LPAR1: variants seen among roughly 807,000 people sequenced by gnomAD.
LPAR1 encodes lysophosphatidic acid receptor 1.
A neutral mutation model predicts 23.8 loss-of-function variants in LPAR1; 5 were observed. The ratio of observed to expected loss-of-function variants is 0.21; its 90% CI spans 0.11 to 0.44. The LOEUF is 0.44. LPAR1 is among the 20% of genes least tolerant of loss of function. The pLI, the probability that LPAR1 is intolerant of heterozygous loss-of-function variation, is 0.99. For synonymous variants in LPAR1, 160 were observed against 164.7 expected (o/e 0.97, Z 0.22); for missense variants, 311 against 482.8 (o/e 0.64, Z 3.33).
At chr9:110,884,159 T>C (rs1003399716) in intron 5 of LPAR1, among the ~76,000 whole-genome samples, 7 of 152,230 alleles carry the variant, frequency 4.6e-5, no homozygotes, top group African/African-American at 1.7e-4. Context: ...TTGCACTGCA[T>C]GTCTGCTTTC....
intron 5 of LPAR1, among the ~76,000 whole-genome samples, chr9:110,892,810 AAGGAAGGAAGGAAGGAAGGCAGGC>A (rs1217040248): frequency 1.6e-3 from 167 of 104,960 alleles, no homozygotes; most frequent in African/African-American, 6.8e-3. Flanking sequence ...GGAAGGAAGG[AAGGAAGGAAGGAAGGAAGGCAGGC>A]AGGCAGGCAG....
chr9:110,998,150 T>G (rs1588762799), intron 2 of LPAR1, among the ~76,000 whole-genome samples: 2 of 152,202 alleles, frequency 1.3e-5, no homozygotes, highest in African/African-American at 4.8e-5. Context: ...AACCACTCAC[T>G]AAACTGTCCA....
chr9:110,962,030 A>G (rs1588560782), intron 4 of LPAR1, among the ~76,000 whole-genome samples: 1 of 152,132 alleles, frequency 6.6e-6, no homozygotes, highest in African/African-American at 2.4e-5. Flanking sequence ...ATCATTTGCC[A>G]CCTTGTTTCT....
chr9:111,013,227 T>G (rs1195631358), intron 2 of LPAR1, among the ~76,000 whole-genome samples: 1 of 152,148 alleles, frequency 6.6e-6, no homozygotes, highest in African/African-American at 2.4e-5. Context: ...GTACACTTCA[T>G]TCCAGTTCTA....
intron 5 of LPAR1, among the ~76,000 whole-genome samples, chr9:110,881,150 G>A (rs575390820): frequency 1.6e-4 from 24 of 152,016 alleles, no homozygotes; most frequent in Non-Finnish European, 3.4e-4. Flanking sequence ...CAGTATTATT[G>A]TTCTATATTA....
intron 2 of LPAR1, among the ~76,000 whole-genome samples, chr9:110,985,837 A>G (rs985361762): frequency 2.0e-5 from 3 of 152,092 alleles, no homozygotes; most frequent in Non-Finnish European, 4.4e-5. Flanking sequence ...TTGTGTTACA[A>G]TGCTTAGAAA....
chr9:110,886,957 G>T (rs1012012675), intron 5 of LPAR1, among the ~76,000 whole-genome samples: 2 of 152,074 alleles, frequency 1.3e-5, no homozygotes, highest in Admixed American at 1.3e-4. Flanking sequence ...CCTTTAAAAG[G>T]ATAAAGGAAA....
At chr9:111,002,012 T>C (rs2097137562) in intron 2 of LPAR1, among the ~76,000 whole-genome samples, 2 of 152,202 alleles carry the variant, frequency 1.3e-5, no homozygotes, top group African/African-American at 2.4e-5. Flanking sequence ...CATATAAAAA[T>C]TCATATAAAT....
rs375421362 is a variant in LPAR1, at chr9:110,886,351, C to T, written c.794-10629G>A. ...TGCACTCCAGCCTGGGCAACAAGAG[C>T]GAAACTCCATCTCAAAAAAAAAAAA... On this transcript the variant is annotated intron_variant, in intron 5 of 5. Transcript: ENST00000683809. Among the ~76,000 whole-genome samples the T allele has an allele frequency of 3.6e-3, 320 of 89,178 alleles. 1 individual carries two copies. Among genetic ancestry groups the T allele is most frequent in the Middle Eastern group, 0.023 (2 of 86 alleles). 58.5% of individuals were successfully genotyped at this position (89,178 alleles called of 152,430 possible).
intron 2 of LPAR1, among the ~76,000 whole-genome samples, chr9:110,981,854 C>T (rs2096673748): frequency 6.6e-6 from 1 of 152,190 alleles, no homozygotes; most frequent in African/African-American, 2.4e-5. Flanking sequence ...ATTTATGCAG[C>T]CAACAAACTT....
At chr9:110,911,523 C>G (rs1159383046) in intron 5 of LPAR1, among the ~76,000 whole-genome samples, 1 of 151,388 alleles carries the variant, frequency 6.6e-6, no homozygotes, top group Non-Finnish European at 1.5e-5. Context: ...GCCTGGGTGA[C>G]AGAGGAAGAT....
chr9:110,893,276 C>T (rs368640032), intron 5 of LPAR1, among the ~76,000 whole-genome samples: 2 of 152,062 alleles, frequency 1.3e-5, no homozygotes, highest in African/African-American at 4.8e-5. Context: ...CTTGAAGAAG[C>T]ATATAAAAAT....
intron 4 of LPAR1, among the ~76,000 whole-genome samples, chr9:110,959,860 G>T (rs182120639): frequency 1.3e-5 from 2 of 152,022 alleles, no homozygotes; most frequent in African/African-American, 2.4e-5. Flanking sequence ...CGAATGGAGT[G>T]GGGGGCAGTC....
chr9:110,975,101 A>G (rs1387128634), intron 2 of LPAR1, among the ~76,000 whole-genome samples: 1 of 152,230 alleles, frequency 6.6e-6, no homozygotes, highest in Non-Finnish European at 1.5e-5. Context: ...CAAGCACATA[A>G]GATTCCATTC....
intron 2 of LPAR1, among the ~76,000 whole-genome samples, chr9:111,033,279 C>T (rs1286419188): frequency 6.6e-6 from 1 of 152,138 alleles, no homozygotes; most frequent in African/African-American, 2.4e-5. Context: ...AACAACACTA[C>T]TTTGAAATCA....
intron 5 of LPAR1, among the ~76,000 whole-genome samples, chr9:110,920,132 C>A (rs939991730): frequency 6.6e-6 from 1 of 152,136 alleles, no homozygotes; most frequent in Non-Finnish European, 1.5e-5. Flanking sequence ...CTGCCCTGCA[C>A]AAAATTATAC....
chr9:110,973,217 GA>G (rs1233022928), intron 3 of LPAR1, among the ~76,000 whole-genome samples: 1 of 152,154 alleles, frequency 6.6e-6, no homozygotes, highest in Non-Finnish European at 1.5e-5. Context: ...TGTGGAAAGT[GA>G]AGCTTCGGAT....
chr9:110,911,772 C>T (rs1170218641), intron 5 of LPAR1, among the ~76,000 whole-genome samples: 1 of 152,006 alleles, frequency 6.6e-6, no homozygotes, highest in African/African-American at 2.4e-5. Flanking sequence ...ATCATATGAA[C>T]CAGGAAACCA....
chr9:110,904,738 G>A (rs1397406570), intron 5 of LPAR1, among the ~76,000 whole-genome samples: 12 of 152,176 alleles, frequency 7.9e-5, no homozygotes, highest in African/African-American at 2.9e-4. Flanking sequence ...AGTGGCTGGA[G>A]AAGTAGGTCT....
Sources: gnomAD v4.1 joint callset for allele counts (sites outside exome capture counted in the v4.1 genomes callset) on GRCh38, gnomAD v4.1.1 for gene constraint, MANE v1.5 for transcripts, NCBI Gene and HGNC (gene_info 2026-07-23, HGNC 2026-07-21) for gene names.